The following PAGE2B variants were observed in gnomAD, a reference collection of about 807,000 sequenced individuals.
The protein encoded by PAGE2B is PAGE family member 2B.
PAGE2B carries 5 observed loss-of-function variants against 7.6 expected under a neutral mutation model. The observed-to-expected ratio is 0.66, with a 90% confidence interval of 0.34 to 1.38. The LOEUF (loss-of-function observed/expected upper bound fraction) is 1.38, where lower values mean the gene tolerates loss of function less well. Ranked by LOEUF, PAGE2B falls within the 40% of genes most tolerant of loss-of-function variation. The pLI, the probability that PAGE2B is intolerant of heterozygous loss-of-function variation, is 0.04. For missense variants in PAGE2B, 70 were observed against 78.4 expected (o/e 0.89, Z 0.41); for synonymous variants, 29 against 26.7 (o/e 1.09, Z -0.27).
the PAGE2B span, among the ~76,000 whole-genome samples, chrX:55,048,781 A>G: frequency 1.8e-5 from 2 of 111,395 alleles, no homozygotes; most frequent in East Asian, 5.6e-4. Flanking sequence ...TCTTTTCCTA[A>G]TTGAATGCCC....
the PAGE2B span, among the ~76,000 whole-genome samples, chrX:55,033,256 G>A: frequency 8.9e-6 from 1 of 111,780 alleles, no homozygotes; most frequent in Non-Finnish European, 1.9e-5. Context: ...ACAAACCTCT[G>A]AGGTGACGTA....
At chrX:55,050,999 G>A in the PAGE2B span, among the ~76,000 whole-genome samples, 1 of 111,440 alleles carries the variant, frequency 9.0e-6, no homozygotes, top group Admixed American at 9.6e-5. Flanking sequence ...TGTAGGGCAG[G>A]CCTGGCGGTG....
upstream of PAGE2B, among the ~76,000 whole-genome samples, chrX:55,071,324 G>C (rs1370457312): frequency 9.0e-6 from 1 of 111,091 alleles, no homozygotes; most frequent in African/African-American, 3.3e-5. Context: ...GTTTGGCTGG[G>C]TATGAAATTC....
the PAGE2B span, among the ~76,000 whole-genome samples, chrX:55,069,779 A>G: frequency 9.0e-6 from 1 of 111,317 alleles, no homozygotes; most frequent in African/African-American, 3.3e-5. Context: ...GGGAGGGTGT[A>G]TGTGTCCAGG....
chrX:55,077,515 C>A lies in PAGE2B; in HGVS notation c.310C>A (p.Leu104Met). 2 of 1,211,660 alleles carry A rather than the reference C, an allele frequency of 1.7e-6. No individual in the cohort carries two copies. The highest frequency in any genetic ancestry group is 4.3e-5 in the Admixed American group (2 of 46,106). ...GCCCACTTTTGATCTCACTAAAGTG[C>A]TGGAAGCAGGTTTGTTATTCATTTA... ...IMPTFDLTKVLEAGDAQP is the reference protein window; with the variant it reads ...IMPTFDLTKVMEAGDAQP Residue 104 changes from leucine to methionine, a missense_variant, in exon 4 of 5, where the codon CTG becomes ATG. Leu to Met is a conservative substitution (Grantham distance 15). Coordinates refer to ENST00000374971, the MANE Select transcript of PAGE2B (RefSeq NM_001015038.3).
chrX:55,049,575 T>G, the PAGE2B span, among the ~76,000 whole-genome samples: 1 of 112,080 alleles, frequency 8.9e-6, no homozygotes, highest in Non-Finnish European at 1.9e-5. Context: ...TTCTTCTAGA[T>G]TTTCTAGTTT....
At chrX:55,050,017 TC>T in the PAGE2B span, among the ~76,000 whole-genome samples, 1 of 112,269 alleles carries the variant, frequency 8.9e-6, no homozygotes, top group Non-Finnish European at 1.9e-5. Context: ...GTCTTTGTTC[TC>T]ATTGGTTTCA....
chrX:55,045,591 C>T, the PAGE2B span, among the ~76,000 whole-genome samples: 1 of 111,210 alleles, frequency 9.0e-6, no homozygotes, highest in Non-Finnish European at 1.9e-5. Flanking sequence ...CCATCCCTAG[C>T]CATACAGGAG....
At chrX:55,051,123 G>A in the PAGE2B span, among the ~76,000 whole-genome samples, 2 of 111,643 alleles carry the variant, frequency 1.8e-5, no homozygotes, top group Non-Finnish European at 3.8e-5. Context: ...CTTTAAGAAT[G>A]TTGAATATCG....
chrX:55,058,715 A>G, the PAGE2B span, among the ~76,000 whole-genome samples: 1 of 111,340 alleles, frequency 9.0e-6, no homozygotes, highest in African/African-American at 3.3e-5. Flanking sequence ...TACTATTACT[A>G]TCTTGAATTT....
At chrX:55,071,470 C>A (rs764776215), upstream of PAGE2B, among the ~76,000 whole-genome samples, 2 of 111,686 alleles carry the variant, frequency 1.8e-5, no homozygotes, top group African/African-American at 6.5e-5. Context: ...TTCTCTCTGG[C>A]TGCCCTTAAC....
At chrX:55,074,830 A>G (rs1936486122), upstream of PAGE2B, among the ~76,000 whole-genome samples, 1 of 112,467 alleles carries the variant, frequency 8.9e-6, no homozygotes. Context: ...CGGGGGAAAA[A>G]GAAAAGTGCT....
the PAGE2B span, among the ~76,000 whole-genome samples, chrX:55,031,659 G>A: frequency 9.0e-6 from 1 of 111,568 alleles, no homozygotes; most frequent in East Asian, 2.8e-4. Context: ...AAAGTACAGA[G>A]CCCGCCTATG....
At chrX:55,049,387 G>T in the PAGE2B span, among the ~76,000 whole-genome samples, 2 of 111,821 alleles carry the variant, frequency 1.8e-5, no homozygotes, top group Middle Eastern at 9.2e-3. Flanking sequence ...AATGGTACCA[G>T]CTCCTCCTTG....
chrX:55,047,376 A>G, the PAGE2B span, among the ~76,000 whole-genome samples: 1 of 111,300 alleles, frequency 9.0e-6, no homozygotes, highest in African/African-American at 3.3e-5. Context: ...GTGAATAAAC[A>G]TACGTGTGCA....
the PAGE2B span, among the ~76,000 whole-genome samples, chrX:55,035,918 C>A: frequency 8.9e-6 from 1 of 111,740 alleles, no homozygotes; most frequent in African/African-American, 3.3e-5. Context: ...GATATTGATT[C>A]TTCCTACCCA....
At chrX:55,028,511 G>A in the PAGE2B span, among the ~76,000 whole-genome samples, 1 of 111,646 alleles carries the variant, frequency 9.0e-6, no homozygotes, top group Non-Finnish European at 1.9e-5. Flanking sequence ...GGATGGTGGA[G>A]AAGACCTACC....
chrX:55,048,042 A>G, the PAGE2B span, among the ~76,000 whole-genome samples: 1,385 of 111,983 alleles, frequency 0.012, 23 homozygotes, highest in African/African-American at 0.042. Context: ...ATGGCTAGCC[A>G]GTTTTCTCAG....
chrX:55,073,045 C>T (rs377562575), upstream of PAGE2B, among the ~76,000 whole-genome samples: 12 of 111,451 alleles, frequency 1.1e-4, no homozygotes, highest in East Asian at 3.1e-3. Flanking sequence ...CCTGGTTCCC[C>T]GGATTCAGCC....
Sources: allele counts gnomAD v4.1 joint callset (sites outside exome capture counted in the v4.1 genomes callset), GRCh38; gene constraint gnomAD v4.1.1; transcripts MANE v1.5; gene names NCBI Gene and HGNC (gene_info 2026-07-23, HGNC 2026-07-21).